ERCC6: variants seen among roughly 807,000 people sequenced by gnomAD.
The protein encoded by ERCC6 is ERCC excision repair 6, chromatin remodeling factor, also known as DNA excision repair protein ERCC-6.
In ERCC6, 116 loss-of-function variants were observed where a neutral mutation model predicts 158.7. That is an observed-to-expected ratio of 0.73 (90% CI 0.63 to 0.85). The LOEUF (loss-of-function observed/expected upper bound fraction) is 0.85. Ranked by LOEUF, ERCC6 falls within the 40% of genes least tolerant of loss-of-function variation. ERCC6 has a pLI of 0.00. For missense variants in ERCC6, 1,698 were observed against 1,799.4 expected, an observed-to-expected ratio of 0.94 and a Z score of 1.02; for synonymous variants, 678 against 659.3, an observed-to-expected ratio of 1.03 and a Z score of -0.43.
At chr10:49,441,580 T>G in the ERCC6 span, among the ~76,000 whole-genome samples, 1 of 109,812 alleles carries the variant, frequency 9.1e-6, no homozygotes, top group South Asian at 4.0e-4. Flanking sequence ...GTGTGCCATT[T>G]TGCATTCTGA....
At chr10:49,491,154 G>A (rs1851167998) in intron 8 of ERCC6, among the ~76,000 whole-genome samples, 1 of 152,060 alleles carries the variant, frequency 6.6e-6, no homozygotes, top group Non-Finnish European at 1.5e-5. Flanking sequence ...TAAGGCCTAT[G>A]GAAAGGAACT....
At chr10:49,481,146 A>T (rs1244972815) in intron 10 of ERCC6, among the ~76,000 whole-genome samples, 1 of 152,242 alleles carries the variant, frequency 6.6e-6, no homozygotes, top group African/African-American at 2.4e-5. Flanking sequence ...CAGTAACCTC[A>T]GCTGTGAATC....
At chr10:49,462,382 T>C (rs1850598632) in intron 18 of ERCC6, among the ~76,000 whole-genome samples, 1 of 152,118 alleles carries the variant, frequency 6.6e-6, no homozygotes, top group African/African-American at 2.4e-5. Flanking sequence ...GAAATCTGAA[T>C]GTAAAAAGCA....
intron 5 of ERCC6, among the ~76,000 whole-genome samples, chr10:49,519,512 A>G (rs968171976): frequency 1.6e-4 from 24 of 152,170 alleles, no homozygotes; most frequent in Non-Finnish European, 2.9e-4. Flanking sequence ...AGAGGAACCA[A>G]CTCAAATCCA....
At chr10:49,447,386 C>G in the ERCC6 span, among the ~76,000 whole-genome samples, 6 of 152,070 alleles carry the variant, frequency 3.9e-5, no homozygotes, top group African/African-American at 1.4e-4. Context: ...AACCCTATAC[C>G]CATTAAGAAA....
Position 49,470,868 on chromosome 10 carries a change from G to A in ERCC6, c.3092C>T (p.Thr1031Ile), listed in dbSNP as rs1850766194. The change falls in exon 18 of 21, where the codon ACA (threonine) becomes ATA (isoleucine). Residue 1031 changes from threonine (T) to isoleucine (I), a missense_variant. By Grantham distance (89) the Thr-to-Ile change is moderately conservative. Coordinates refer to ENST00000355832, the MANE Select transcript of ERCC6 (RefSeq NM_000124.4). ...IFAGTGSDVQ[T>I]PKCHLKRRIQ... ...CCTTCTTTTTAGATGGCATTTGGGT[G>A]TCTGAACATCTGATCCAGTTCCTGT... The A allele has an allele frequency of 6.2e-7, 1 of 1,613,764 alleles. No homozygotes were observed. The highest frequency in any genetic ancestry group is 1.3e-5 in the African/African-American group (1 of 74,890).
intron 8 of ERCC6, among the ~76,000 whole-genome samples, chr10:49,492,319 A>C (rs578151883): frequency 6.6e-6 from 1 of 152,188 alleles, no homozygotes; most frequent in African/African-American, 2.4e-5. Flanking sequence ...CAGAAGACTC[A>C]GGAAAGAAAG....
chr10:49,440,237 G>T, the ERCC6 span, among the ~76,000 whole-genome samples: 9 of 152,212 alleles, frequency 5.9e-5, no homozygotes, highest in African/African-American at 1.9e-4. Context: ...CCACATGGCT[G>T]GGCAGGCCTC....
Position 49,500,431 on chromosome 10 carries a change from G to A in ERCC6, c.1685+107C>T, listed in dbSNP as rs933108299. ...CCACTAAAAGAATTAAAGGAATATT[G>A]TAATTGAAATGTCATCAATAATTCA... On this transcript the variant is annotated intron_variant, in intron 7 of 20. Transcript: ENST00000355832. 13 of 1,312,294 alleles carry A rather than the reference G, an allele frequency of 9.9e-6. No homozygotes were observed. The Admixed American group carries it at 1.7e-4, about 17-fold the overall frequency. The allele number at this position is 1,312,294 out of a possible 1,614,324, so 81.3% of individuals were successfully genotyped here.
chr10:49,495,200 C>CAG (rs1349175320), intron 7 of ERCC6, among the ~76,000 whole-genome samples: 2 of 152,254 alleles, frequency 1.3e-5, no homozygotes, highest in Admixed American at 1.3e-4. Flanking sequence ...GGGTGCCAGT[C>CAG]AGTGCATAAG....
At chr10:49,534,165 A>AAAAG (rs1321344953) in intron 1 of ERCC6, among the ~76,000 whole-genome samples, 5 of 139,160 alleles carry the variant, frequency 3.6e-5, no homozygotes, top group Admixed American at 3.0e-4. Flanking sequence ...CAAAAAAAAA[A>AAAAG]CTCCATTTTA....
intron 16 of ERCC6, among the ~76,000 whole-genome samples, chr10:49,471,662 G>T (rs1850783654): frequency 6.6e-6 from 1 of 152,134 alleles, no homozygotes; most frequent in Non-Finnish European, 1.5e-5. Flanking sequence ...CCCAGCTAAA[G>T]CATGAATCTA....
the ERCC6 span, among the ~76,000 whole-genome samples, chr10:49,447,318 ATGTTGTGCGATCACCACTTC>A: frequency 6.6e-6 from 1 of 152,204 alleles, no homozygotes; most frequent in African/African-American, 2.4e-5. Context: ...TACATTCACA[ATGTTGTGCGATCACCACTTC>A]CATCTGGTTC....
At chr10:49,483,700 G>A (rs1851022446) in intron 8 of ERCC6, among the ~76,000 whole-genome samples, 184 bp from the exon 9 acceptor site, 1 of 151,996 alleles carries the variant, frequency 6.6e-6, no homozygotes, top group African/African-American at 2.4e-5. Flanking sequence ...GACTAATACA[G>A]CCGTTATTAG....
intron 20 of ERCC6, 22 bp downstream of exon 20, chr10:49,460,351 G>T: frequency 6.4e-7 from 1 of 1,558,536 alleles, no homozygotes; most frequent in Non-Finnish European, 8.9e-7. Context: ...ACCCTGGAAA[G>T]CAAAAAGGTT....
chr10:49,472,339 G>A, intron 16 of ERCC6, 37 bp downstream of exon 16: 3 of 1,568,694 alleles, frequency 1.9e-6, no homozygotes, highest in South Asian at 1.1e-5. Context: ...AAGACTCTGG[G>A]AACGCACAGC....
chr10:49,517,816 T>C (rs1033992254), intron 5 of ERCC6, among the ~76,000 whole-genome samples: 23 of 152,152 alleles, frequency 1.5e-4, no homozygotes, highest in Admixed American at 1.5e-3. Context: ...AGTGCTGGGA[T>C]TACAGGTATG....
intron 7 of ERCC6, among the ~76,000 whole-genome samples, chr10:49,499,913 A>G (rs1851328305): frequency 7.5e-6 from 1 of 134,122 alleles, no homozygotes; most frequent in African/African-American, 2.5e-5. Flanking sequence ...TGGCATTAGA[A>G]TTTATTACAT....
At position 49,461,540 on chromosome 10, in the gene ERCC6, G is replaced by A. The variant is rs1451224423; in HGVS notation, c.3795C>T (p.Val1265=). 1 of 1,613,820 alleles carries A rather than the reference G, an allele frequency of 6.2e-7. No individual in the cohort carries two copies. Among genetic ancestry groups the A allele is most frequent in the African/African-American group, 1.3e-5 (1 of 75,036 alleles). ...LFKKSVGVHS[V]MKHDAIMDGA... is the part of the protein sequence containing the mutation. ...CATCCATGATGGCATCGTGCTTCAT[G>A]ACACTGTGCACGCCAACTAGCAAGA... The change falls in exon 19 of 21, where the codon GTC becomes GTT. Residue 1265 remains valine (V), a synonymous_variant. Coordinates refer to ENST00000355832, the MANE Select transcript of ERCC6 (RefSeq NM_000124.4).
Sources: allele counts gnomAD v4.1 joint callset (sites outside exome capture counted in the v4.1 genomes callset), GRCh38; gene constraint gnomAD v4.1.1; transcripts MANE v1.5; gene names NCBI Gene and HGNC (gene_info 2026-07-23, HGNC 2026-07-21).